The following DSC3 variants were observed in gnomAD, a reference collection of about 807,000 sequenced individuals.
The protein encoded by DSC3 is desmocollin-3.
DSC3 carries 97 observed loss-of-function variants against 89.5 expected under a neutral mutation model. The ratio of observed to expected loss-of-function variants is 1.08; its 90% confidence interval spans 0.92 to 1.28. The LOEUF (loss-of-function observed/expected upper bound fraction) is 1.28, where lower values mean the gene tolerates loss of function less well. Among genes scored for constraint, DSC3 ranks in the 50% most tolerant of loss-of-function variants. DSC3 has a pLI of 0.00. For synonymous variants in DSC3, 436 were observed against 384.1 expected (o/e 1.14, Z -1.58); for missense variants, 1,199 against 1,085.3 (o/e 1.10, Z -1.47).
rs1172161432 is a variant in DSC3, at chr18:30,994,096, T to G, written c.*79A>C. The G allele has an allele frequency of 7.5e-7, 1 of 1,336,892 alleles. No homozygotes were observed. The highest frequency in any genetic ancestry group is 1.4e-5 in the African/African-American group (1 of 69,208). 82.8% of individuals were successfully genotyped at this position (1,336,892 alleles called of 1,614,324 possible). A position where few individuals can be genotyped will look rare whatever the true frequency, so the allele number is the denominator to read the frequency against. ...AGAAAAAAATCATCATATACATACATGTTGAAATTGAACTTTACAATATTA... is the reference window on the plus strand; with the variant it reads ...AGAAAAAAATCATCATATACATACAGGTTGAAATTGAACTTTACAATATTA... On this transcript the variant is annotated 3_prime_UTR_variant, in exon 16 of 16. Coordinates refer to ENST00000360428, the MANE Select transcript of DSC3 (RefSeq NM_001941.5).
At chr18:31,016,760 A>C (rs1985249620) in intron 9 of DSC3, among the ~76,000 whole-genome samples, 1 of 152,162 alleles carries the variant, frequency 6.6e-6, no homozygotes, top group South Asian at 2.1e-4. Context: ...CTGAGAAGGG[A>C]TGTGAGGGGT....
rs1353780300 is a variant in DSC3, at chr18:31,031,010, T to G, written c.317A>C (p.Gln106Pro). The G allele has an allele frequency of 2.5e-6, 4 of 1,614,082 alleles. No homozygotes were observed. The East Asian group carries it at 8.9e-5, about 36-fold the overall frequency. Residue 106 changes from glutamine to proline, a missense_variant, in exon 3 of 16, where the codon CAG (glutamine) becomes CCG (proline). Physicochemically the swap from Gln to Pro is moderately conservative, Grantham distance 76. Transcript: ENST00000360428. The stretch of plus-strand genomic sequence containing the variant: ...TTCTAGCAGCACAGTAACCTCTTTC[T>G]GTGTCTGTTTCCTTTTGTCAGAAAG... ...IWLSDKRKQT[Q>P]KEVTVLLEHQ...
chr18:31,042,488 G>A (rs1319268352), intron 1 of DSC3, 104 bp downstream of exon 1: 2 of 1,188,612 alleles, frequency 1.7e-6, no homozygotes, highest in South Asian at 1.3e-5. Flanking sequence ...GATCTGAGCC[G>A]CGGTTGTCAC....
chr18:31,029,703 T>C, intron 3 of DSC3, 75 bp from the exon 4 acceptor site: 1 of 1,574,494 alleles, frequency 6.4e-7, no homozygotes. Context: ...AGTGGACAGC[T>C]CATAAACCTA....
At chr18:31,013,050 A>G (rs1157394776) in intron 9 of DSC3, among the ~76,000 whole-genome samples, 1 of 152,216 alleles carries the variant, frequency 6.6e-6, no homozygotes, top group Non-Finnish European at 1.5e-5. Flanking sequence ...AAGGAAGATC[A>G]CTAGGTAAGA....
chr18:31,039,133 T>A (rs764183335), intron 1 of DSC3, among the ~76,000 whole-genome samples: 3 of 152,150 alleles, frequency 2.0e-5, no homozygotes, highest in Non-Finnish European at 4.4e-5. Context: ...ACTTTAAAGA[T>A]GATAATATAA....
At chr18:31,005,478 G>A (rs183237731) in intron 12 of DSC3, among the ~76,000 whole-genome samples, 10 of 152,246 alleles carry the variant, frequency 6.6e-5, no homozygotes, top group Admixed American at 5.2e-4. Flanking sequence ...CTGTACCAAG[G>A]TTAGTCCCCT....
intron 3 of DSC3, among the ~76,000 whole-genome samples, chr18:31,030,339 A>G (rs191202550): frequency 6.6e-6 from 1 of 152,360 alleles, no homozygotes; most frequent in East Asian, 1.9e-4. Flanking sequence ...TAATAATTGC[A>G]TTAAACATTT....
intron 1 of DSC3, among the ~76,000 whole-genome samples, chr18:31,036,202 A>C (rs1168857810): frequency 2.0e-5 from 3 of 152,274 alleles, no homozygotes; most frequent in African/African-American, 7.2e-5. Flanking sequence ...AGCATATTAA[A>C]TCTCTCTATT....
intron 13 of DSC3, among the ~76,000 whole-genome samples, chr18:31,003,916 A>G (rs1984747684): frequency 6.6e-6 from 1 of 152,184 alleles, no homozygotes; most frequent in Non-Finnish European, 1.5e-5. Flanking sequence ...TGTGAAATCT[A>G]AGGAATTTTC....
Position 31,029,498 on chromosome 18 carries a change from T to A in DSC3, c.474+11A>T. ...TTAAAGCAACCCTGACCAGAAAAGG[T>A]GTAAACCTACTTGTTGAAGAAACAA... On this transcript the variant is annotated intron_variant, in intron 4 of 15. Transcript: ENST00000360428. 6.2e-7 allele frequency: 1 copy of A among 1,613,668 alleles called. No individual in the cohort carries two copies. Among genetic ancestry groups the A allele is most frequent in the South Asian group, 1.1e-5 (1 of 91,076 alleles).
chr18:30,996,545 G>C (rs118037822), intron 15 of DSC3, among the ~76,000 whole-genome samples: 2 of 151,848 alleles, frequency 1.3e-5, no homozygotes, highest in African/African-American at 4.8e-5. Context: ...AAAATGAGAC[G>C]TTAGTGAAGA....
At position 31,030,934 on chromosome 18, in the gene DSC3, T is replaced by TG; in HGVS notation, c.354+38dup. 6 of 1,526,876 alleles carry TG rather than the reference T, an allele frequency of 3.9e-6. No homozygotes were observed. In the Admixed American group the frequency reaches 1.1e-4, roughly 27 times the overall value. 94.6% of individuals were successfully genotyped at this position (1,526,876 alleles called of 1,614,324 possible). On this transcript the variant is annotated intron_variant, in intron 3 of 15. Coordinates refer to ENST00000360428, the MANE Select transcript of DSC3 (RefSeq NM_001941.5). ...GCAATTTTTAATAAGAGTATTTTAATGAAAAAATGACTGAAAATATTTAAT... is the reference window on the plus strand; with the variant it reads ...GCAATTTTTAATAAGAGTATTTTAATGGAAAAAATGACTGAAAATATTTAAT...
chr18:31,001,753 T>C lies in DSC3; in HGVS notation c.2114-14A>G, dbSNP rs374544710. 1 of 1,570,644 alleles carries C rather than the reference T, an allele frequency of 6.4e-7. No homozygotes were observed. ...TTAGCAATACAGCTGAATTTAAAAA[T>C]AAAAATAAAATAACTTACTTTAGCA... On this transcript the variant is annotated splice_polypyrimidine_tract_variant and intron_variant, in intron 13 of 15. Coordinates refer to ENST00000360428, the MANE Select transcript of DSC3 (RefSeq NM_001941.5).
intron 7 of DSC3, among the ~76,000 whole-genome samples, chr18:31,022,031 G>T (rs971021565): frequency 2.0e-5 from 3 of 151,946 alleles, no homozygotes; most frequent in African/African-American, 7.3e-5. Context: ...TGTCCTACAT[G>T]AAAATTGAAA....
intron 9 of DSC3, among the ~76,000 whole-genome samples, chr18:31,014,814 A>G (rs932037747): frequency 6.6e-6 from 1 of 152,118 alleles, no homozygotes; most frequent in African/African-American, 2.4e-5. Context: ...TGGAAAGATA[A>G]TTAATTTGGG....
At chr18:31,011,922 CAAAAAAAAGAAAAAA>C (rs1985076175) in intron 9 of DSC3, among the ~76,000 whole-genome samples, 2 of 11,700 alleles carry the variant, frequency 1.7e-4, no homozygotes, top group East Asian at 3.4e-3. Context: ...CAGCAAATTC[CAAAAAAAAGAAAAAA>C]AAAAAAAAAG....
Position 31,032,554 on chromosome 18 carries a change from ATGTGTGTGTG to A in DSC3, c.70-288_70-279del, listed in dbSNP as rs936935279. Among the ~76,000 whole-genome samples, 717 of 92,372 alleles carry A rather than the reference ATGTGTGTGTG, an allele frequency of 7.8e-3. 3 individuals carry two copies. Among genetic ancestry groups the A allele is most frequent in the Non-Finnish European group, 0.013 (505 of 39,980 alleles). 60.6% of individuals were successfully genotyped at this position (92,372 alleles called of 152,430 possible). The stretch of plus-strand genomic sequence containing the variant: ...CTCTGCTCTAACTGCTTCTGTGTGT[ATGTGTGTGTG>A]TGTGTGTGTGTGTGTGTGTGTGTGT... On this transcript the variant is annotated intron_variant, in intron 1 of 15. Coordinates refer to ENST00000360428, the MANE Select transcript of DSC3 (RefSeq NM_001941.5).
rs1985293214 is a variant in DSC3 at position 31,018,095 on chromosome 18, A to G, written c.1239T>C (p.Asn413=). 6.2e-7 allele frequency: 1 copy of G among 1,612,508 alleles called. No homozygotes were observed. The highest frequency in any genetic ancestry group is 1.1e-5 in the South Asian group (1 of 90,882). ...HFKISTDKET[N]EGVLSVVKPL... Reference sequence around the variant, plus strand: ...CCTTTACAACAGAAAGAACACCTTCATTAGTTTCTTTGTCTGTGCTGATTT... The same window carrying G: ...CCTTTACAACAGAAAGAACACCTTCGTTAGTTTCTTTGTCTGTGCTGATTT... The change falls in exon 9 of 16, where the codon AAT becomes AAC. Residue 413 remains asparagine, a synonymous_variant. Coordinates refer to ENST00000360428, the MANE Select transcript of DSC3 (RefSeq NM_001941.5).
Sources: allele counts gnomAD v4.1 joint callset (sites outside exome capture counted in the v4.1 genomes callset), GRCh38; gene constraint gnomAD v4.1.1; transcripts MANE v1.5; gene names NCBI Gene and HGNC (gene_info 2026-07-23, HGNC 2026-07-21).